Variants in SHANK2 observed in about 807,000 individuals in gnomAD.
SHANK2 encodes the protein SH3 and multiple ankyrin repeat domains protein 2.
Under a neutral mutation model 133.7 loss-of-function variants are expected in SHANK2, and 43 were observed. That is an observed-to-expected ratio of 0.32 (90% CI 0.25 to 0.41). The LOEUF (loss-of-function observed/expected upper bound fraction) is 0.41, where lower values mean the gene tolerates loss of function less well. Among genes scored for constraint, SHANK2 ranks in the 10% least tolerant of loss-of-function variants. The pLI is 1.00. For synonymous variants in SHANK2, 1,017 were observed against 952.8 expected (o/e 1.07, Z -1.24); for missense variants, 1,994 against 2,235.8 (o/e 0.89, Z 2.18).
At chr11:71,167,089 T>G (rs1382591020) in intron 2 of SHANK2, among the ~76,000 whole-genome samples, 4 of 151,842 alleles carry the variant, frequency 2.6e-5, no homozygotes, top group East Asian at 3.9e-4. Context: ...ATGTTTCAGA[T>G]AGCACAGGGT....
intron 11 of SHANK2, among the ~76,000 whole-genome samples, chr11:70,824,898 T>C (rs960934280): frequency 3.9e-5 from 6 of 152,122 alleles, no homozygotes; most frequent in African/African-American, 7.2e-5. Flanking sequence ...AGATTACGTG[T>C]TGGAAGACTG....
At chr11:71,187,854 G>A (rs143795079) in intron 2 of SHANK2, among the ~76,000 whole-genome samples, 138 of 152,278 alleles carry the variant, frequency 9.1e-4, no homozygotes, top group African/African-American at 3.2e-3. Context: ...CCTTTATCAA[G>A]GATTCTATTT....
intron 10 of SHANK2, chr11:70,911,013 A>G: frequency 2.2e-6 from 1 of 457,154 alleles, no homozygotes; most frequent in Non-Finnish European, 4.4e-6. Context: ...GCATTTGCAG[A>G]AACGAAGGGG....
chr11:71,085,312 T>C (rs963016833), intron 8 of SHANK2, among the ~76,000 whole-genome samples: 1 of 150,652 alleles, frequency 6.6e-6, no homozygotes, highest in Admixed American at 6.7e-5. Flanking sequence ...CAAAATTAGC[T>C]GGGCGTGGTG....
chr11:70,871,326 C>T (rs536379489), intron 11 of SHANK2, among the ~76,000 whole-genome samples: 15 of 152,288 alleles, frequency 9.8e-5, no homozygotes, highest in African/African-American at 2.2e-4. Flanking sequence ...GTCCAGGGAG[C>T]GCTCTGCAAG....
At chr11:70,671,900 C>T (rs1357804342) in intron 15 of SHANK2, among the ~76,000 whole-genome samples, 4 of 152,130 alleles carry the variant, frequency 2.6e-5, no homozygotes, top group Non-Finnish European at 5.9e-5. Context: ...GAGCTCTTTC[C>T]TTCCCCCACA....
chr11:70,629,284 G>A (rs1197776980), intron 17 of SHANK2, among the ~76,000 whole-genome samples: 2 of 152,190 alleles, frequency 1.3e-5, no homozygotes, highest in Admixed American at 6.5e-5. Flanking sequence ...GGCTGCTGCC[G>A]AAAAGGCTGG....
intron 10 of SHANK2, chr11:70,911,078 C>T (rs1555078924): frequency 2.2e-6 from 1 of 456,944 alleles, no homozygotes; most frequent in South Asian, 1.5e-5. Context: ...CCCAGACTTC[C>T]TCCAAAATCA....
intron 10 of SHANK2, among the ~76,000 whole-genome samples, chr11:70,928,063 T>C (rs879996943): frequency 6.6e-6 from 1 of 152,170 alleles, no homozygotes; most frequent in Non-Finnish European, 1.5e-5. Context: ...TTTCTATATA[T>C]ATGTATATAT....
chr11:70,955,429 G>GTGTGTT (rs1950905998), intron 10 of SHANK2, among the ~76,000 whole-genome samples: 1 of 133,916 alleles, frequency 7.5e-6, no homozygotes, highest in Non-Finnish European at 1.7e-5. Flanking sequence ...CGGGGTGTGT[G>GTGTGTT]TGTGTGTGTG....
At chr11:71,061,981 T>C (rs1186949419) in intron 9 of SHANK2, among the ~76,000 whole-genome samples, 2 of 147,622 alleles carry the variant, frequency 1.4e-5, no homozygotes, top group Non-Finnish European at 3.0e-5. Flanking sequence ...CTTTTTTTTT[T>C]TTTTTTTTTT....
At chr11:71,076,561 A>C (rs1951223165) in intron 8 of SHANK2, among the ~76,000 whole-genome samples, 1 of 151,654 alleles carries the variant, frequency 6.6e-6, no homozygotes, top group South Asian at 2.1e-4. Context: ...CACACACACG[A>C]GAAATTTCCA....
At position 70,942,274 on chromosome 11, in the gene SHANK2, G is replaced by T. The variant is rs141241492; in HGVS notation, c.1108-45707C>A. Among the ~76,000 whole-genome samples the T allele has an allele frequency of 1.6e-4, 24 of 152,298 alleles. No homozygotes were observed. The East Asian group carries it at 4.6e-3, about 29-fold the overall frequency. Reference sequence around the variant, plus strand: ...TTCAAGGGCATCGCCTTGGCTTCTGGTGAGGGTTTCTGTGCTGCAACACAA... The same window carrying T: ...TTCAAGGGCATCGCCTTGGCTTCTGTTGAGGGTTTCTGTGCTGCAACACAA... On this transcript the variant is annotated intron_variant, in intron 10 of 25. Transcript: ENST00000601538.
At chr11:70,916,226 T>C (rs781795292) in intron 10 of SHANK2, among the ~76,000 whole-genome samples, 11 of 151,898 alleles carry the variant, frequency 7.2e-5, no homozygotes, top group Non-Finnish European at 1.5e-4. Context: ...GAGGGTAGAG[T>C]TCAGATAAGT....
At chr11:70,703,966 T>C (rs1945602595) in intron 14 of SHANK2, among the ~76,000 whole-genome samples, 1 of 152,214 alleles carries the variant, frequency 6.6e-6, no homozygotes, top group Admixed American at 6.5e-5. Context: ...GGAATGTCCC[T>C]TTGATCCCAG....
intron 21 of SHANK2, among the ~76,000 whole-genome samples, chr11:70,493,185 T>C (rs1281088590): frequency 2.0e-5 from 3 of 149,762 alleles, no homozygotes; most frequent in Middle Eastern, 6.9e-3. Context: ...TTGTTTTTGT[T>C]TTTTTTTTTG....
intron 21 of SHANK2, among the ~76,000 whole-genome samples, chr11:70,495,667 G>T (rs2058959185): frequency 6.6e-6 from 1 of 152,186 alleles, no homozygotes; most frequent in South Asian, 2.1e-4. Flanking sequence ...GCTGGCCCGG[G>T]CCCCTCCTCT....
Position 70,485,306 on chromosome 11 carries a change from G to A in SHANK2, c.4979+8C>T, listed in dbSNP as rs370421726. On this transcript the variant is annotated splice_region_variant and intron_variant, in intron 25 of 25. Transcript: ENST00000601538. This position sits in a 1 kb window ranked among gnomAD's most constrained non-coding sequence, Gnocchi z 5.8. ...AGCGGTGTGCATGTGCACCAACCGC[G>A]GACTTACCTTGGAGCGAGGCTGGCG... is the stretch of plus-strand genomic sequence containing the variant. 1.4e-5 allele frequency: 23 copies of A among 1,612,618 alleles called. No individual in the cohort carries two copies. Among genetic ancestry groups the A allele is most frequent in the African/African-American group, 9.3e-5 (7 of 74,940 alleles).
chr11:70,681,393 G>A (rs1778680142), intron 15 of SHANK2, among the ~76,000 whole-genome samples: 1 of 152,138 alleles, frequency 6.6e-6, no homozygotes, highest in Non-Finnish European at 1.5e-5. Context: ...AACCTTCTCT[G>A]GCAAGGTTAA....
Sources: gnomAD v4.1 joint callset for allele counts (sites outside exome capture counted in the v4.1 genomes callset) on GRCh38, gnomAD v4.1.1 for gene constraint, Gnocchi (gnomAD v3.1) non-coding constraint, MANE v1.5 for transcripts, NCBI Gene and HGNC (gene_info 2026-07-23, HGNC 2026-07-21) for gene names.